Variants in DGUOK observed in about 807,000 individuals in gnomAD.
DGUOK encodes the protein deoxyguanosine kinase, mitochondrial.
A neutral mutation model predicts 36.6 loss-of-function variants in DGUOK; 30 were observed. That is an observed-to-expected ratio of 0.82 (90% CI 0.61 to 1.11). The LOEUF (loss-of-function observed/expected upper bound fraction) is 1.11, where lower values mean the gene tolerates loss of function less well. DGUOK is among the 50% of genes most tolerant of loss of function. The pLI, the probability that DGUOK is intolerant of heterozygous loss-of-function variation, is 0.00. For synonymous variants in DGUOK, 145 were observed against 126.3 expected (o/e 1.15, Z -0.99); for missense variants, 361 against 336.4 (o/e 1.07, Z -0.57).
chr2:73,950,657 G>A lies in DGUOK; in HGVS notation c.516G>A (p.Trp172Ter). 6.2e-7 allele frequency: 1 copy of A among 1,614,074 alleles called. No homozygotes were observed. The highest frequency in any genetic ancestry group is 2.2e-5 in the East Asian group (1 of 44,888). The part of the protein sequence containing the change: ...SDIEWHIYQD[W>*]HSFLLWEFAS... ...TCGAGTGGCATATCTATCAGGACTG[G>A]CATTCTTTTCTCCTGTGGGAGTTTG... is the stretch of plus-strand genomic sequence containing the variant. Residue 172 changes from tryptophan (W) to a stop codon, truncating the protein, a stop_gained, in exon 4 of 7, where the codon TGG (tryptophan) becomes TGA (stop). Transcript: ENST00000264093. LOFTEE classifies it high-confidence loss of function.
intron 4 of DGUOK, among the ~76,000 whole-genome samples, chr2:73,952,622 TAGG>T (rs1286185944): frequency 2.0e-5 from 3 of 152,136 alleles, no homozygotes; most frequent in South Asian, 2.1e-4. Flanking sequence ...AGCTGAGCAT[TAGG>T]AGAAGTGAGA....
At chr2:73,931,432 G>A (rs545823819) in intron 1 of DGUOK, among the ~76,000 whole-genome samples, 1 of 152,256 alleles carries the variant, frequency 6.6e-6, no homozygotes, top group South Asian at 2.1e-4. Context: ...GTGCCACCAC[G>A]CCTAGCTAAC....
At chr2:73,932,478 C>A in intron 1 of DGUOK, 1 of 506,402 alleles carries the variant, frequency 2.0e-6, no homozygotes, top group Non-Finnish European at 3.4e-6. Context: ...GTACTCAGTA[C>A]TGACCAGATT....
At chr2:73,937,381 C>T (rs1681549930) in intron 1 of DGUOK, among the ~76,000 whole-genome samples, 1 of 152,318 alleles carries the variant, frequency 6.6e-6, no homozygotes, top group African/African-American at 2.4e-5. Context: ...AGTGTTATTT[C>T]ATATTCAGTC....
intron 4 of DGUOK, among the ~76,000 whole-genome samples, chr2:73,954,154 C>T (rs889543719): frequency 7.9e-5 from 12 of 151,960 alleles, no homozygotes; most frequent in African/African-American, 2.9e-4. Flanking sequence ...CCCACCTGGG[C>T]AACATAGTGA....
chr2:73,936,798 C>T (rs1681498732), intron 1 of DGUOK, among the ~76,000 whole-genome samples: 1 of 152,190 alleles, frequency 6.6e-6, no homozygotes, highest in Non-Finnish European at 1.5e-5. Flanking sequence ...GGAGGAGCCC[C>T]ATCCTGTAGC....
intron 3 of DGUOK, chr2:73,947,926 G>A (rs777225658): frequency 6.6e-6 from 1 of 151,922 alleles, no homozygotes; most frequent in African/African-American, 2.4e-5. Context: ...TAGTGCTTCC[G>A]GAAAGCCTCC....
chr2:73,943,295 G>A (rs1417757420), intron 2 of DGUOK, among the ~76,000 whole-genome samples: 1 of 150,974 alleles, frequency 6.6e-6, no homozygotes, highest in African/African-American at 2.4e-5. Flanking sequence ...GACTATAGGT[G>A]CATACCACTG....
At chr2:73,953,197 A>G (rs1468932361) in intron 4 of DGUOK, among the ~76,000 whole-genome samples, 1 of 151,792 alleles carries the variant, frequency 6.6e-6, no homozygotes, top group Non-Finnish European at 1.5e-5. Flanking sequence ...CAGCACTACC[A>G]CACTAAGGAC....
chr2:73,931,592 G>A (rs1391055976), intron 1 of DGUOK, among the ~76,000 whole-genome samples: 1 of 152,184 alleles, frequency 6.6e-6, no homozygotes, highest in East Asian at 1.9e-4. Context: ...GTTGGCAGTG[G>A]GAGGCTGTTG....
intron 2 of DGUOK, among the ~76,000 whole-genome samples, chr2:73,944,197 T>G (rs561784099): frequency 6.6e-6 from 1 of 152,244 alleles, no homozygotes; most frequent in South Asian, 2.1e-4. Flanking sequence ...TTTTAAATTT[T>G]TTTGTGGAGA....
At chr2:73,934,736 TAG>T (rs1558646199) in intron 1 of DGUOK, among the ~76,000 whole-genome samples, 6 of 98,764 alleles carry the variant, frequency 6.1e-5, no homozygotes, top group East Asian at 5.9e-4. Flanking sequence ...GCCTGGGCAA[TAG>T]AGCAAGACTC....
At chr2:73,955,854 C>G (rs761810539) in intron 4 of DGUOK, among the ~76,000 whole-genome samples, 4 of 152,054 alleles carry the variant, frequency 2.6e-5, no homozygotes, top group Admixed American at 6.5e-5. Flanking sequence ...AGCCTGGCAA[C>G]AGAGCAAGAC....
Position 73,957,102 on chromosome 2 carries a change from A to G in DGUOK, c.592-23A>G, listed in dbSNP as rs368726172. 3.7e-5 allele frequency: 59 copies of G among 1,576,592 alleles called. No individual in the cohort carries two copies. In the African/African-American group the frequency reaches 7.6e-4, roughly 20 times the overall value. ...CAGCCAAAACAGCAAAGAGCTCATC[A>G]GGGCTTGGGGACTGTCTTTTAGGTT... On this transcript the variant is annotated intron_variant, in intron 4 of 6. Transcript: ENST00000264093.
intron 1 of DGUOK, among the ~76,000 whole-genome samples, chr2:73,927,560 C>T (rs1235345533): frequency 6.6e-6 from 1 of 152,198 alleles, no homozygotes; most frequent in Non-Finnish European, 1.5e-5. Context: ...TCTGGCAACC[C>T]TATTCGAAGA....
chr2:73,958,103 C>A, intron 5 of DGUOK, 43 bp from the exon 6 acceptor site: 2 of 1,508,904 alleles, frequency 1.3e-6, no homozygotes, highest in Non-Finnish European at 1.8e-6. Flanking sequence ...ACTCAAGTTA[C>A]ATTTCTTTTT....
At chr2:73,932,096 G>C (rs1028678533) in intron 1 of DGUOK, among the ~76,000 whole-genome samples, 2 of 152,192 alleles carry the variant, frequency 1.3e-5, no homozygotes, top group African/African-American at 4.8e-5. Flanking sequence ...AGAGAGTCCG[G>C]AGATGGGTGC....
At chr2:73,933,460 A>G (rs1681211525) in intron 1 of DGUOK, among the ~76,000 whole-genome samples, 1 of 152,160 alleles carries the variant, frequency 6.6e-6, no homozygotes, top group South Asian at 2.1e-4. Flanking sequence ...CGCTGGAGAG[A>G]GTTCAAGGAG....
chr2:73,938,650 C>A (rs867760550), intron 1 of DGUOK, among the ~76,000 whole-genome samples: 26 of 152,302 alleles, frequency 1.7e-4, no homozygotes, highest in African/African-American at 5.8e-4. Flanking sequence ...TGCTCTGCCT[C>A]TGGAAGGTTG....
Sources: allele counts gnomAD v4.1 joint callset (sites outside exome capture counted in the v4.1 genomes callset), GRCh38; gene constraint gnomAD v4.1.1; transcripts MANE v1.5; gene names NCBI Gene and HGNC (gene_info 2026-07-23, HGNC 2026-07-21).